The following CADPS2 variants were observed in gnomAD, a reference collection of about 807,000 sequenced individuals.
CADPS2 encodes calcium dependent secretion activator 2.
In CADPS2, 93 loss-of-function variants were observed where a neutral mutation model predicts 172.5. The ratio of observed to expected loss-of-function variants is 0.54; its 90% CI spans 0.46 to 0.64. The LOEUF (loss-of-function observed/expected upper bound fraction) is 0.64. CADPS2 is among the 30% of genes least tolerant of loss of function. CADPS2 has a pLI of 0.00. For missense variants in CADPS2, 1,420 were observed against 1,565.9 expected, an observed-to-expected ratio of 0.91 and a Z score of 1.57; for synonymous variants, 546 against 555.2, an observed-to-expected ratio of 0.98 and a Z score of 0.23.
chr7:122,541,778 TATTC>T lies in CADPS2; in HGVS notation c.1475+12768_1475+12771del, dbSNP rs1211749878. Among the ~76,000 whole-genome samples the T allele has an allele frequency of 7.0e-5, 10 of 142,380 alleles. No homozygotes were observed. In the East Asian group the frequency reaches 1.6e-3, roughly 23 times the overall value. The allele number at this position is 142,380 out of a possible 152,430, so 93.4% of individuals were successfully genotyped here. On this transcript the variant is annotated intron_variant, in intron 8 of 29. Transcript: ENST00000449022. The stretch of plus-strand genomic sequence containing the variant: ...ATTCATATATTTATATATTCACATA[TATTC>T]ATATATTTATATATTCATATATATT...
rs184175338 is a variant in CADPS2, at chr7:122,563,153, G to A, written c.1336-8464C>T. ...TAAGGTATTGATTTCATCCTTCTTA[G>A]ATAGAGCAATATACTCCAACACAGC... On this transcript the variant is annotated intron_variant, in intron 7 of 29. Coordinates refer to ENST00000449022, the MANE Select transcript of CADPS2 (RefSeq NM_017954.11). Among the ~76,000 whole-genome samples the A allele has an allele frequency of 4.9e-3, 746 of 152,100 alleles. 21 individuals carry two copies. The highest frequency in any genetic ancestry group is 0.046 in the Admixed American group (702 of 15,262).
intron 7 of CADPS2, among the ~76,000 whole-genome samples, chr7:122,560,000 A>G (rs1435346503): frequency 6.6e-6 from 1 of 152,000 alleles, no homozygotes. Context: ...GAGGCTGCAC[A>G]TTGTTGGGTC....
chr7:122,648,238 A>G (rs1022830221), intron 3 of CADPS2, among the ~76,000 whole-genome samples: 2 of 152,050 alleles, frequency 1.3e-5, no homozygotes, highest in African/African-American at 4.8e-5. Flanking sequence ...GTGTCCACAG[A>G]ACTCTGTCCT....
At chr7:122,578,898 G>A (rs1046046697) in intron 7 of CADPS2, among the ~76,000 whole-genome samples, 1 of 152,158 alleles carries the variant, frequency 6.6e-6, no homozygotes, top group East Asian at 1.9e-4. Context: ...GCTCACAGAA[G>A]TTGCAAATGG....
At chr7:122,499,495 G>A (rs28487917) in intron 9 of CADPS2, among the ~76,000 whole-genome samples, 8,045 of 151,892 alleles carry the variant, frequency 0.053, 275 homozygotes, top group Non-Finnish European at 0.055. Flanking sequence ...TATTTTATTC[G>A]GCATTTCTAG....
At chr7:122,790,149 C>A (rs1419427224) in intron 1 of CADPS2, among the ~76,000 whole-genome samples, 1 of 151,054 alleles carries the variant, frequency 6.6e-6, no homozygotes, top group Non-Finnish European at 1.5e-5. Context: ...GTCATCCCAG[C>A]AATTTGGTAG....
intron 1 of CADPS2, among the ~76,000 whole-genome samples, chr7:122,740,227 G>A (rs900907737): frequency 1.3e-5 from 2 of 152,126 alleles, no homozygotes; most frequent in African/African-American, 4.8e-5. Flanking sequence ...ACAGTCCTTA[G>A]TACTTGCCCA....
intron 1 of CADPS2, among the ~76,000 whole-genome samples, chr7:122,787,676 AG>A (rs34924150): frequency 0.2 from 29,688 of 152,082 alleles, 2,996 homozygotes; most frequent in Middle Eastern, 0.29. Flanking sequence ...TGCAATGCAA[AG>A]CACATTGTAG....
At chr7:122,442,860 A>G (rs1211250012) in intron 15 of CADPS2, among the ~76,000 whole-genome samples, 2 of 152,138 alleles carry the variant, frequency 1.3e-5, no homozygotes, top group Non-Finnish European at 2.9e-5. Flanking sequence ...TTGCTGCTAC[A>G]TACTCCGCTA....
At chr7:122,540,335 T>C (rs1425865695) in intron 8 of CADPS2, among the ~76,000 whole-genome samples, 1 of 152,074 alleles carries the variant, frequency 6.6e-6, no homozygotes, top group Non-Finnish European at 1.5e-5. Context: ...GAATACTAAG[T>C]TTTAAAATAC....
chr7:122,497,014 C>T (rs2058787894), intron 9 of CADPS2, among the ~76,000 whole-genome samples: 1 of 151,912 alleles, frequency 6.6e-6, no homozygotes, highest in South Asian at 2.1e-4. Flanking sequence ...GGGATTGTTA[C>T]TTCTTTCTCG....
chr7:122,518,713 G>T (rs749898288), intron 8 of CADPS2, among the ~76,000 whole-genome samples: 3 of 151,716 alleles, frequency 2.0e-5, no homozygotes, highest in Non-Finnish European at 2.9e-5. Context: ...TTTTTTAAGG[G>T]TATGTAAATG....
chr7:122,718,670 T>A (rs1258099889), intron 2 of CADPS2, among the ~76,000 whole-genome samples: 5 of 152,094 alleles, frequency 3.3e-5, no homozygotes, highest in Non-Finnish European at 5.9e-5. Flanking sequence ...TGGGGCCGTG[T>A]TAAGGCTTTT....
chr7:122,774,239 CAAAT>C (rs1348488362), intron 1 of CADPS2, among the ~76,000 whole-genome samples: 8 of 147,776 alleles, frequency 5.4e-5, no homozygotes, highest in Non-Finnish European at 9.0e-5. Flanking sequence ...TCTTCAACAA[CAAAT>C]ATATATATAT....
intron 14 of CADPS2, among the ~76,000 whole-genome samples, chr7:122,454,735 T>C (rs1437128983): frequency 1.3e-5 from 2 of 152,174 alleles, no homozygotes; most frequent in African/African-American, 4.8e-5. Flanking sequence ...TTATGAATGT[T>C]TGTTTAATAG....
intron 17 of CADPS2, among the ~76,000 whole-genome samples, chr7:122,421,460 T>C (rs1226122174): frequency 6.6e-6 from 1 of 152,178 alleles, no homozygotes; most frequent in East Asian, 1.9e-4. Context: ...ATCTAGGCCA[T>C]GATGATCAGC....
rs549328584 is a variant in CADPS2 at position 122,838,549 on chromosome 7, C to T, written c.339+47450G>A. On this transcript the variant is annotated intron_variant, in intron 1 of 29. Coordinates refer to ENST00000449022, the MANE Select transcript of CADPS2 (RefSeq NM_017954.11). ...AAACCCCATTGTCTCAGCCCCAAAT[C>T]TCCTTAAGCTGATAAGCAACTTCAG... 7.0e-4 allele frequency among the ~76,000 whole-genome samples: 106 copies of T among 152,298 alleles called. 1 individual carries two copies. Among genetic ancestry groups the T allele is most frequent in the African/African-American group, 2.4e-3 (100 of 41,556 alleles).
In CADPS2 at chr7:122,426,203, T is replaced by C. The variant is rs192091061; in HGVS notation, c.2477-10039A>G. 2.6e-5 allele frequency: 4 copies of C among 152,338 alleles called. No individual in the cohort carries two copies. The East Asian group carries it at 7.7e-4, about 29-fold the overall frequency. 9.4% of individuals were successfully genotyped at this position (152,338 alleles called of 1,614,324 possible). A position where few individuals can be genotyped will look rare whatever the true frequency, so the allele number is the denominator to read the frequency against. On this transcript the variant is annotated intron_variant, in intron 17 of 29. Coordinates refer to ENST00000449022, the MANE Select transcript of CADPS2 (RefSeq NM_017954.11). ...TGAGAAATGAGTCAAAAGATCTCAA[T>C]GTCTGCATGTATGTCTTTGTTTCCT...
chr7:122,707,799 T>TAC (rs2087835876), intron 2 of CADPS2, among the ~76,000 whole-genome samples: 1 of 148,066 alleles, frequency 6.8e-6, no homozygotes. Flanking sequence ...AATGTTTTCT[T>TAC]ATATATATAT....
Sources: allele counts gnomAD v4.1 joint callset (sites outside exome capture counted in the v4.1 genomes callset), GRCh38; gene constraint gnomAD v4.1.1; transcripts MANE v1.5; gene names NCBI Gene and HGNC (gene_info 2026-07-23, HGNC 2026-07-21).